The following TACC2 variants were observed in gnomAD, a reference collection of about 807,000 sequenced individuals.
The protein encoded by TACC2 is transforming acidic coiled-coil containing protein 2.
TACC2 carries 137 observed loss-of-function variants against 227.3 expected under a neutral mutation model. That is an observed-to-expected ratio of 0.60 (90% CI 0.52 to 0.69). The LOEUF is 0.69. TACC2 is among the 30% of genes least tolerant of loss of function. The probability of loss-of-function intolerance (pLI) is 0.00; values close to 1 mark genes in which losing one functional copy is unlikely to be tolerated. For synonymous variants in TACC2, 1,523 were observed against 1,487.5 expected (o/e 1.02, Z -0.55); for missense variants, 3,470 against 3,694.4 (o/e 0.94, Z 1.57).
intron 16 of TACC2, among the ~76,000 whole-genome samples, chr10:122,237,123 G>A (rs2095871746): frequency 6.6e-6 from 1 of 152,186 alleles, no homozygotes; most frequent in African/African-American, 2.4e-5. Context: ...AGATAAGCAG[G>A]TACCAGACAT....
intron 2 of TACC2, among the ~76,000 whole-genome samples, chr10:122,031,014 C>T (rs148929925): frequency 2.4e-4 from 36 of 152,244 alleles, no homozygotes; most frequent in South Asian, 8.3e-4. Flanking sequence ...GCCCTGACTC[C>T]ACCTACTTCC....
chr10:122,068,616 G>A (rs1000308858), intron 3 of TACC2, among the ~76,000 whole-genome samples: 1 of 151,824 alleles, frequency 6.6e-6, no homozygotes, highest in Non-Finnish European at 1.5e-5. Context: ...CTGGCCGGTG[G>A]GAACAGGAAT....
intron 2 of TACC2, among the ~76,000 whole-genome samples, chr10:122,037,691 G>A (rs889625289): frequency 2.0e-5 from 3 of 152,186 alleles, no homozygotes; most frequent in Admixed American, 1.3e-4. Flanking sequence ...ATACCCATCC[G>A]TGTGAGTAAA....
chr10:122,230,268 C>G, intron 15 of TACC2, 83 bp from the exon 16 acceptor site: 1 of 1,191,408 alleles, frequency 8.4e-7, no homozygotes, highest in Non-Finnish European at 1.3e-6. Flanking sequence ...ATTTTCGTGG[C>G]ACGTTCATTT....
intron 8 of TACC2, among the ~76,000 whole-genome samples, chr10:122,199,304 T>C (rs898082666): frequency 3.3e-5 from 5 of 152,390 alleles, no homozygotes; most frequent in East Asian, 3.9e-4. Context: ...TGGCTGTTTG[T>C]GGACAGCTGT....
At position 122,211,482 on chromosome 10, in the gene TACC2, A is replaced by G. The variant is rs111795908; in HGVS notation, c.7057A>G (p.Thr2353Ala). The change falls in exon 9 of 23, where the codon ACC becomes GCC. Residue 2353 changes from threonine to alanine, a missense_variant. Thr to Ala is a moderately conservative substitution (Grantham distance 58). Transcript: ENST00000369005. ...DDPNFNPFSS[T>A]SKMQESPKLP... ...CCCCAATTTTAACCCTTTTTCTTCC[A>G]CCTCAAAAATGCAGGAGTCTCCCAA... The G allele has an allele frequency of 6.2e-7, 1 of 1,613,856 alleles. No individual in the cohort carries two copies. Among genetic ancestry groups the G allele is most frequent in the Non-Finnish European group, 8.5e-7 (1 of 1,179,958 alleles).
intron 8 of TACC2, among the ~76,000 whole-genome samples, chr10:122,197,058 C>T (rs187600767): frequency 6.7e-4 from 101 of 151,792 alleles, no homozygotes; most frequent in East Asian, 4.9e-3. Flanking sequence ...GTCGGGAGTT[C>T]GAGACCAGCC....
intron 5 of TACC2, among the ~76,000 whole-genome samples, chr10:122,127,940 G>A (rs1399224588): frequency 6.6e-6 from 1 of 152,184 alleles, no homozygotes; most frequent in East Asian, 1.9e-4. Context: ...CGGAAGGTTT[G>A]TAGATCTTTA....
chr10:121,991,642 G>A (rs887641818), intron 1 of TACC2, among the ~76,000 whole-genome samples: 8 of 152,190 alleles, frequency 5.3e-5, no homozygotes, highest in Middle Eastern at 3.2e-3. Context: ...ATCTCAGCCG[G>A]TATACAGAGA....
intron 7 of TACC2, among the ~76,000 whole-genome samples, chr10:122,159,692 G>T (rs2092704050): frequency 6.6e-6 from 1 of 152,128 alleles, no homozygotes; most frequent in Admixed American, 6.5e-5. Flanking sequence ...TCGCCACCAT[G>T]GTATAGTGGG....
chr10:122,182,195 T>C (rs1200008323), intron 7 of TACC2, among the ~76,000 whole-genome samples: 4 of 152,150 alleles, frequency 2.6e-5, no homozygotes, highest in Non-Finnish European at 5.9e-5. Flanking sequence ...AGAAACGCTG[T>C]GGGAGGTATT....
intron 5 of TACC2, among the ~76,000 whole-genome samples, chr10:122,117,781 A>C (rs2084969726): frequency 6.6e-6 from 1 of 151,982 alleles, no homozygotes; most frequent in Non-Finnish European, 1.5e-5. Flanking sequence ...CCTTGAGGGC[A>C]TGGGGGGTTG....
intron 7 of TACC2, among the ~76,000 whole-genome samples, chr10:122,179,553 G>A (rs550584311): frequency 2.0e-5 from 3 of 152,184 alleles, no homozygotes; most frequent in South Asian, 4.2e-4. Context: ...ACACAAACCC[G>A]GCCACTTCTC....
intron 5 of TACC2, among the ~76,000 whole-genome samples, chr10:122,110,015 A>G (rs2137965366): frequency 6.6e-6 from 1 of 152,342 alleles, no homozygotes; most frequent in Middle Eastern, 3.4e-3. Flanking sequence ...ACAAAAGTCA[A>G]ACAGCTCTCT....
At chr10:122,175,135 A>G (rs139866974) in intron 7 of TACC2, among the ~76,000 whole-genome samples, 37 of 151,872 alleles carry the variant, frequency 2.4e-4, no homozygotes, top group African/African-American at 8.5e-4. Context: ...TGTATTTTTT[A>G]TAGAGATGAG....
Position 122,195,041 on chromosome 10 carries a change from A to C in TACC2, c.5836A>C (p.Ser1946Arg). 6.2e-7 allele frequency: 1 copy of C among 1,610,612 alleles called. No individual in the cohort carries two copies. The highest frequency in any genetic ancestry group is 8.5e-7 in the Non-Finnish European group (1 of 1,177,920). Residue 1946 changes from serine (S) to arginine (R), a missense_variant and splice_region_variant, in exon 8 of 23, where the codon AGT (serine) becomes CGT (arginine). Transcript: ENST00000369005. ...CTGTGCTTCTCCCTCTCTCATCAGG[A>C]GTTCCGATTCTGAAGAGGCATTTGA... ...CPDPAKDLSR[S>R]SDSEEAFETP...
At chr10:122,074,331 C>T (rs1350239700) in intron 3 of TACC2, among the ~76,000 whole-genome samples, 6 of 152,050 alleles carry the variant, frequency 3.9e-5, no homozygotes, top group South Asian at 2.1e-4. Context: ...CCACCTGCCT[C>T]GGCCTCCCAA....
chr10:122,163,622 A>G, intron 7 of TACC2: 19 of 1,022,542 alleles, frequency 1.9e-5, no homozygotes, highest in Non-Finnish European at 2.1e-5. Context: ...CTTTCGGACC[A>G]CACCGGCGCT....
In TACC2 at chr10:122,087,541, C is replaced by T. The variant is rs775285828; in HGVS notation, c.5041C>T (p.Pro1681Ser). ...AAATGCCCTGGGCAACCAGAGCACC[C>T]CTGCACCACCAACTGGAGAAGTGGC... ...MRNALGNQST[P>S]APPTGEVADT... is the part of the protein sequence containing the mutation. Residue 1681 changes from proline to serine, a missense_variant, in exon 4 of 23, where the codon CCT becomes TCT. Physicochemically the swap from Pro to Ser is moderately conservative, Grantham distance 74. Transcript: ENST00000369005. 6 of 1,613,866 alleles carry T rather than the reference C, an allele frequency of 3.7e-6. No homozygotes were observed. The highest frequency in any genetic ancestry group is 2.2e-5 in the South Asian group (2 of 91,090).
Sources: allele counts gnomAD v4.1 joint callset (sites outside exome capture counted in the v4.1 genomes callset), GRCh38; gene constraint gnomAD v4.1.1; transcripts MANE v1.5; gene names NCBI Gene and HGNC (gene_info 2026-07-23, HGNC 2026-07-21).